HTR1F: variants seen among roughly 807,000 people sequenced by gnomAD.
HTR1F encodes 5-hydroxytryptamine (serotonin) receptor 1F, G protein-coupled.
Under a neutral mutation model 24.0 loss-of-function variants are expected in HTR1F, and 17 were observed. The ratio of observed to expected loss-of-function variants is 0.71; its 90% CI spans 0.48 to 1.06. HTR1F has a LOEUF of 1.06. HTR1F is among the 50% of genes least tolerant of loss of function. The pLI, the probability that HTR1F is intolerant of heterozygous loss-of-function variation, is 0.00. For missense variants in HTR1F, 391 were observed against 427.8 expected, an observed-to-expected ratio of 0.91 and a Z score of 0.76; for synonymous variants, 186 against 156.8, an observed-to-expected ratio of 1.19 and a Z score of -1.39.
chr3:87,979,439 C>T (rs1276885980), intron 2 of HTR1F, among the ~76,000 whole-genome samples: 7 of 152,064 alleles, frequency 4.6e-5, no homozygotes, highest in African/African-American at 1.4e-4. Context: ...TCTAGTTGGC[C>T]GACAGAGACC....
chr3:87,926,839 G>C (rs1028178676), intron 2 of HTR1F, among the ~76,000 whole-genome samples: 1 of 152,112 alleles, frequency 6.6e-6, no homozygotes, highest in Non-Finnish European at 1.5e-5. Context: ...AGGACGACAC[G>C]GTGATAGGTA....
intron 2 of HTR1F, among the ~76,000 whole-genome samples, chr3:87,961,362 G>A (rs1285845484): frequency 6.6e-6 from 1 of 152,078 alleles, no homozygotes; most frequent in Non-Finnish European, 1.5e-5. Flanking sequence ...AAAGGAGGAA[G>A]CCAAAAAGTG....
At chr3:87,874,905 A>C (rs1705636118) in intron 2 of HTR1F, among the ~76,000 whole-genome samples, 1 of 152,200 alleles carries the variant, frequency 6.6e-6, no homozygotes, top group African/African-American at 2.4e-5. Context: ...TCCTCAACAA[A>C]TGATGTTGCA....
chr3:87,985,298 T>C (rs1197344662), intron 2 of HTR1F, among the ~76,000 whole-genome samples: 1 of 151,742 alleles, frequency 6.6e-6, no homozygotes, highest in Non-Finnish European at 1.5e-5. Context: ...ATCACGCCAT[T>C]GTATTCCAGC....
At position 87,991,331 on chromosome 3, in the gene HTR1F, G is replaced by A. The variant is rs200158656; in HGVS notation, c.582G>A (p.Leu194=). 4.1e-5 allele frequency: 66 copies of A among 1,613,836 alleles called. No homozygotes were observed. Among genetic ancestry groups the A allele is most frequent in the East Asian group, 3.8e-4 (17 of 44,882 alleles). The part of the protein sequence containing the change: ...YSTFGAFYIP[L]ALILILYYKI... ...CATTTGGAGCTTTCTACATCCCACT[G>A]GCATTGATTTTGATCCTTTACTACA... is the stretch of plus-strand genomic sequence containing the variant. The change falls in exon 3 of 3, where the codon CTG becomes CTA. Residue 194 remains leucine, a synonymous_variant. Transcript: ENST00000319595.
At chr3:87,799,567 G>C (rs1703961247) in intron 1 of HTR1F, among the ~76,000 whole-genome samples, 1 of 152,190 alleles carries the variant, frequency 6.6e-6, no homozygotes, top group South Asian at 2.1e-4. Flanking sequence ...TTCTGTTGAA[G>C]TAAAAAGTAG....
At chr3:87,842,839 C>T (rs766393505) in intron 2 of HTR1F, among the ~76,000 whole-genome samples, 6 of 151,842 alleles carry the variant, frequency 4.0e-5, no homozygotes, top group South Asian at 2.1e-4. Context: ...AGATTTTCCT[C>T]GATCAGAGAT....
intron 2 of HTR1F, among the ~76,000 whole-genome samples, chr3:87,912,744 T>C (rs9853753): frequency 0.2 from 29,586 of 149,870 alleles, 3,352 homozygotes; most frequent in African/African-American, 0.33. Flanking sequence ...CACAGACACA[T>C]AGACCAATGG....
At chr3:87,986,853 C>G (rs1309701543) in intron 2 of HTR1F, among the ~76,000 whole-genome samples, 1 of 152,126 alleles carries the variant, frequency 6.6e-6, no homozygotes, top group African/African-American at 2.4e-5. Context: ...ACCTGTAATC[C>G]CAGCACGTTG....
In HTR1F at chr3:87,991,465, A is replaced by C. The variant is rs1398445184; in HGVS notation, c.716A>C (p.Lys239Thr). The change falls in exon 3 of 3, where the codon AAA becomes ACA. Residue 239 changes from lysine to threonine, a missense_variant. Lys to Thr is a moderately conservative substitution (Grantham distance 78). Coordinates refer to ENST00000319595, the MANE Select transcript of HTR1F (RefSeq NM_001322209.2). ...VLLESGEKST[K>T]SVSTSYVLEK... ...TTGGAGAGTGGTGAGAAAAGCACTA[A>C]ATCAGTTTCCACATCCTATGTACTA... 1 of 1,614,072 alleles carries C rather than the reference A, an allele frequency of 6.2e-7. No homozygotes were observed. Among genetic ancestry groups the C allele is most frequent in the East Asian group, 2.2e-5 (1 of 44,866 alleles).
intron 2 of HTR1F, among the ~76,000 whole-genome samples, chr3:87,861,260 C>T (rs1424615167): frequency 1.3e-5 from 2 of 151,964 alleles, no homozygotes; most frequent in Non-Finnish European, 2.9e-5. Context: ...ATGGTGATTC[C>T]ACTTGTTTTA....
chr3:87,933,583 A>G (rs1559638344), intron 2 of HTR1F, among the ~76,000 whole-genome samples: 1 of 152,212 alleles, frequency 6.6e-6, no homozygotes, highest in African/African-American at 2.4e-5. Context: ...GAGCCAAATC[A>G]TGAGTGAACT....
chr3:87,913,141 G>A (rs556090545), intron 2 of HTR1F, among the ~76,000 whole-genome samples: 1 of 152,180 alleles, frequency 6.6e-6, no homozygotes, highest in Non-Finnish European at 1.5e-5. Context: ...TATCAACAGA[G>A]TGAACAGAGA....
In HTR1F at chr3:87,939,666, A is replaced by G. The variant is rs554369654; in HGVS notation, c.-42-51042A>G. 2.6e-5 allele frequency among the ~76,000 whole-genome samples: 4 copies of G among 151,928 alleles called. No individual in the cohort carries two copies. In the South Asian group the frequency reaches 8.3e-4, roughly 31 times the overall value. ...TTTTCTAGTTTATTTGCATAGAGGT[A>G]TTCTCGGATAGTAGTTTGTATTTCT... is the stretch of plus-strand genomic sequence containing the variant. On this transcript the variant is annotated intron_variant, in intron 2 of 2. Coordinates refer to ENST00000319595, the MANE Select transcript of HTR1F (RefSeq NM_001322209.2).
At chr3:87,989,950 A>T (rs1314672625) in intron 2 of HTR1F, among the ~76,000 whole-genome samples, 1 of 152,202 alleles carries the variant, frequency 6.6e-6, no homozygotes, top group African/African-American at 2.4e-5. Flanking sequence ...AAGACAAAGA[A>T]GATTAACTTC....
At chr3:87,882,300 G>T (rs2107283359) in intron 2 of HTR1F, among the ~76,000 whole-genome samples, 2 of 152,308 alleles carry the variant, frequency 1.3e-5, no homozygotes, top group East Asian at 3.9e-4. Flanking sequence ...TCAGTGTGGT[G>T]ATTCCTCAGG....
intron 2 of HTR1F, among the ~76,000 whole-genome samples, chr3:87,915,642 A>G (rs1703876448): frequency 6.6e-6 from 1 of 152,156 alleles, no homozygotes; most frequent in Non-Finnish European, 1.5e-5. Flanking sequence ...AATTAAACCA[A>G]TCCAACAAAG....
At chr3:87,885,748 G>A (rs1173321097) in intron 2 of HTR1F, among the ~76,000 whole-genome samples, 1 of 152,018 alleles carries the variant, frequency 6.6e-6, no homozygotes, top group African/African-American at 2.4e-5. Flanking sequence ...AGAATAAATG[G>A]ATAAATTCCT....
chr3:87,928,167 T>C (rs2107396635), intron 2 of HTR1F, among the ~76,000 whole-genome samples: 1 of 150,830 alleles, frequency 6.6e-6, no homozygotes, highest in African/African-American at 2.4e-5. Context: ...TGCCTCAACC[T>C]CCGAAGTAGC....
Sources: gnomAD v4.1 joint callset for allele counts (sites outside exome capture counted in the v4.1 genomes callset) on GRCh38, gnomAD v4.1.1 for gene constraint, MANE v1.5 for transcripts, NCBI Gene and HGNC (gene_info 2026-07-23, HGNC 2026-07-21) for gene names.